Variants in NARS2 observed in about 807,000 individuals in gnomAD.
NARS2 encodes the protein asparaginyl-tRNA synthetase 2, mitochondrial, also known as asparaginyl-tRNA synthetase.
In NARS2, 60 loss-of-function variants were observed where a neutral mutation model predicts 62.9. That is an observed-to-expected ratio of 0.95 (90% CI 0.77 to 1.18). The LOEUF is 1.18. NARS2 is among the 50% of genes most tolerant of loss of function. The pLI is 0.00. For missense variants in NARS2, 619 were observed against 576.4 expected, an observed-to-expected ratio of 1.07 and a Z score of -0.76; for synonymous variants, 196 against 200.0, an observed-to-expected ratio of 0.98 and a Z score of 0.17.
chr11:78,516,314 G>A (rs562845155), intron 6 of NARS2, among the ~76,000 whole-genome samples: 1 of 152,166 alleles, frequency 6.6e-6, no homozygotes, highest in Non-Finnish European at 1.5e-5. Context: ...CTGGATTTCT[G>A]TTTGTCCAAG....
chr11:78,443,031 T>C (rs1024612429), intron 12 of NARS2, among the ~76,000 whole-genome samples: 1 of 151,996 alleles, frequency 6.6e-6, no homozygotes, highest in African/African-American at 2.4e-5. Context: ...AAGATAAAAA[T>C]GTAGGACAAG....
chr11:78,452,209 G>C (rs1857995254), intron 11 of NARS2, among the ~76,000 whole-genome samples: 1 of 151,974 alleles, frequency 6.6e-6, no homozygotes, highest in African/African-American at 2.4e-5. Flanking sequence ...CCAGGTTCAA[G>C]AGATTTTCCT....
chr11:78,486,002 G>C (rs1859557611), intron 7 of NARS2, among the ~76,000 whole-genome samples: 1 of 152,098 alleles, frequency 6.6e-6, no homozygotes. Flanking sequence ...AGCCTCCCAA[G>C]TAGCTCGGAT....
chr11:78,527,275 T>C (rs1861327088), intron 6 of NARS2, among the ~76,000 whole-genome samples: 1 of 152,166 alleles, frequency 6.6e-6, no homozygotes, highest in Non-Finnish European at 1.5e-5. Context: ...TGTAATATAA[T>C]CAACTGAATG....
chr11:78,444,015 T>A, intron 11 of NARS2: 1 of 238,070 alleles, frequency 4.2e-6, no homozygotes, highest in Non-Finnish European at 8.2e-6. Context: ...TTAAAAATTA[T>A]GAAACATTAA....
intron 5 of NARS2, among the ~76,000 whole-genome samples, chr11:78,550,396 T>A (rs1410565541): frequency 2.0e-5 from 3 of 152,236 alleles, no homozygotes; most frequent in African/African-American, 7.2e-5. Flanking sequence ...AGTCATTTTC[T>A]GTCTATAAAA....
chr11:78,471,600 T>C (rs1858878021), intron 9 of NARS2, among the ~76,000 whole-genome samples: 1 of 151,912 alleles, frequency 6.6e-6, no homozygotes, highest in South Asian at 2.1e-4. Context: ...TAGTTACATA[T>C]GTATACATGT....
At chr11:78,541,542 C>T (rs1855622586) in intron 5 of NARS2, among the ~76,000 whole-genome samples, 1 of 152,040 alleles carries the variant, frequency 6.6e-6, no homozygotes, top group East Asian at 1.9e-4. Flanking sequence ...GTATGAAATG[C>T]TGATCATATA....
chr11:78,499,198 G>A (rs1053335487), intron 6 of NARS2, among the ~76,000 whole-genome samples: 3 of 151,964 alleles, frequency 2.0e-5, no homozygotes, highest in African/African-American at 7.3e-5. Flanking sequence ...TTACAGGCGT[G>A]AGCCACCGCG....
intron 11 of NARS2, among the ~76,000 whole-genome samples, chr11:78,447,837 G>A (rs539747670): frequency 1.3e-5 from 2 of 152,228 alleles, no homozygotes; most frequent in African/African-American, 4.8e-5. Flanking sequence ...GGTTACCAGA[G>A]GCTGGAGTGG....
intron 1 of NARS2, among the ~76,000 whole-genome samples, chr11:78,572,209 T>C (rs1226480010): frequency 6.6e-6 from 1 of 152,110 alleles, no homozygotes; most frequent in Non-Finnish European, 1.5e-5. Flanking sequence ...CAAAAACTAA[T>C]TTCCAAACGA....
chr11:78,544,731 T>C (rs753335822), intron 5 of NARS2, among the ~76,000 whole-genome samples: 13 of 150,334 alleles, frequency 8.6e-5, no homozygotes, highest in Non-Finnish European at 1.5e-4. Flanking sequence ...GAGACGGAGT[T>C]TGCAGTAAGC....
At position 78,521,784 on chromosome 11, in the gene NARS2, C is replaced by T. The variant is rs1392606398; in HGVS notation, c.689+7058G>A. 3.4e-4 allele frequency among the ~76,000 whole-genome samples: 28 copies of T among 81,910 alleles called. No individual in the cohort carries two copies. The East Asian group carries it at 3.8e-3, about 11-fold the overall frequency. 53.7% of individuals were successfully genotyped at this position (81,910 alleles called of 152,430 possible). On this transcript the variant is annotated intron_variant, in intron 6 of 13. Coordinates refer to ENST00000281038, the MANE Select transcript of NARS2 (RefSeq NM_024678.6). ...CAGCCTGGGCGACAGAGCGAGACTC[C>T]GTCTCAAAAAAAAAAAAAAAAAAAA...
chr11:78,498,327 C>A (rs1446015505), intron 6 of NARS2, among the ~76,000 whole-genome samples: 1 of 152,166 alleles, frequency 6.6e-6, no homozygotes, highest in Non-Finnish European at 1.5e-5. Flanking sequence ...CCTCGTTTTC[C>A]TTCTAAATAC....
At chr11:78,483,219 A>AC (rs1321125269) in intron 7 of NARS2, among the ~76,000 whole-genome samples, 1 of 152,200 alleles carries the variant, frequency 6.6e-6, no homozygotes, top group Non-Finnish European at 1.5e-5. Context: ...TCAATAAACT[A>AC]GGTATTGATG....
chr11:78,531,706 T>C (rs1212599727), intron 5 of NARS2, among the ~76,000 whole-genome samples: 1 of 152,316 alleles, frequency 6.6e-6, no homozygotes, highest in Admixed American at 6.5e-5. Flanking sequence ...ATATTAAAAT[T>C]AAATGTTTTA....
Position 78,478,680 on chromosome 11 carries a change from T to C in NARS2, c.826A>G (p.Ile276Val), listed in dbSNP as rs778276341. 3.1e-6 allele frequency: 5 copies of C among 1,599,160 alleles called. No homozygotes were observed. In the South Asian group the frequency reaches 4.5e-5, roughly 14 times the overall value. The change falls in exon 8 of 14, where the codon ATA becomes GTA. Residue 276 changes from isoleucine to valine, a missense_variant. By Grantham distance (29) the Ile-to-Val change is conservative. Transcript: ENST00000281038. ...VDSLQDLMQV[I>V]EELFKATTMM... ...GTTGTAGCCTTGAACAGTTCCTCTA[T>C]AACCTAAGAGAAATGAAATAGAATC...
intron 11 of NARS2, among the ~76,000 whole-genome samples, chr11:78,454,575 C>T (rs532605122): frequency 2.6e-5 from 4 of 152,084 alleles, no homozygotes; most frequent in East Asian, 1.9e-4. Flanking sequence ...GTCTGCAGAA[C>T]CACGAGCCAA....
Position 78,574,533 on chromosome 11 carries a change from G to C in NARS2, c.-45C>G. ...TCCGCGGGAGCAGCCCAGACCCCAC[G>C]GTTCGAACCCCGCCTGCAGCGGCCC... On this transcript the variant is annotated 5_prime_UTR_variant, in exon 1 of 14. Transcript: ENST00000281038. 4 of 1,546,012 alleles carry C rather than the reference G, an allele frequency of 2.6e-6. No homozygotes were observed. Among genetic ancestry groups the C allele is most frequent in the Non-Finnish European group, 2.6e-6 (3 of 1,148,708 alleles).
Sources: allele counts gnomAD v4.1 joint callset (sites outside exome capture counted in the v4.1 genomes callset), GRCh38; gene constraint gnomAD v4.1.1; transcripts MANE v1.5; gene names NCBI Gene and HGNC (gene_info 2026-07-23, HGNC 2026-07-21).